Variants in MTX2 observed in about 807,000 individuals in gnomAD.
MTX2 encodes the protein metaxin 2, also known as metaxin-2.
Under a neutral mutation model 42.3 loss-of-function variants are expected in MTX2, and 35 were observed. The observed-to-expected ratio is 0.83, with a 90% CI of 0.63 to 1.10. The LOEUF (loss-of-function observed/expected upper bound fraction) is 1.10. MTX2 is among the 50% of genes least tolerant of loss of function. The probability of loss-of-function intolerance (pLI) is 0.00; values close to 1 mark genes in which losing one functional copy is unlikely to be tolerated. For synonymous variants in MTX2, 119 were observed against 100.9 expected (o/e 1.18, Z -1.08); for missense variants, 307 against 304.1 (o/e 1.01, Z -0.07).
intron 8 of MTX2, 93 bp from the exon 9 acceptor site, chr2:176,330,491 T>C (rs1370974177): frequency 1.3e-6 from 1 of 785,030 alleles, no homozygotes; most frequent in African/African-American, 1.7e-5. Context: ...ATTTATATTT[T>C]TGTTATAAAC....
rs1456902039 is a variant in MTX2, at chr2:176,297,901, T to C, written c.135+6T>C. On this transcript the variant is annotated splice_donor_region_variant and intron_variant, in intron 3 of 9. Coordinates refer to ENST00000249442, the MANE Select transcript of MTX2 (RefSeq NM_006554.5). ...CAGCTTCTCTTGCAGTGCAGGTAAA[T>C]ATGTAAATAATGTAATATCTTTTTC... The C allele has an allele frequency of 6.4e-7, 1 of 1,552,680 alleles. No individual in the cohort carries two copies. Among genetic ancestry groups the C allele is most frequent in the Non-Finnish European group, 8.7e-7 (1 of 1,145,260 alleles).
intron 3 of MTX2, among the ~76,000 whole-genome samples, chr2:176,301,877 TAATA>T (rs1217591759): frequency 6.6e-6 from 1 of 152,160 alleles, no homozygotes; most frequent in East Asian, 1.9e-4. Flanking sequence ...TCAAGTTAGG[TAATA>T]AATGGGAAAT....
chr2:176,280,133 T>A (rs1373705975), intron 1 of MTX2, among the ~76,000 whole-genome samples: 1 of 152,136 alleles, frequency 6.6e-6, no homozygotes, highest in Non-Finnish European at 1.5e-5. Flanking sequence ...TTCTAGTCAC[T>A]GGGTACCAAA....
At chr2:176,304,041 AG>A (rs1272199129) in intron 3 of MTX2, among the ~76,000 whole-genome samples, 1 of 152,042 alleles carries the variant, frequency 6.6e-6, no homozygotes, top group Non-Finnish European at 1.5e-5. Flanking sequence ...AAACAGAAAA[AG>A]GCTAGAATTT....
chr2:176,311,684 T>C (rs1684311471), intron 3 of MTX2, among the ~76,000 whole-genome samples: 1 of 152,160 alleles, frequency 6.6e-6, no homozygotes, highest in South Asian at 2.1e-4. Flanking sequence ...TGAGCAAGGC[T>C]CTGTGGGCGT....
At chr2:176,306,068 C>A (rs1684136173) in intron 3 of MTX2, among the ~76,000 whole-genome samples, 1 of 151,994 alleles carries the variant, frequency 6.6e-6, no homozygotes, top group Non-Finnish European at 1.5e-5. Context: ...CCCCCAGCAC[C>A]CCCACCCCCT....
chr2:176,302,602 A>G (rs755512712), intron 3 of MTX2, among the ~76,000 whole-genome samples: 2 of 151,694 alleles, frequency 1.3e-5, no homozygotes, highest in East Asian at 1.9e-4. Context: ...AAGCCCAGCT[A>G]TTTTTTTGTA....
chr2:176,313,344 C>CTCTGATCT (rs1558938077), intron 3 of MTX2, among the ~76,000 whole-genome samples: 1 of 150,174 alleles, frequency 6.7e-6, no homozygotes, highest in Non-Finnish European at 1.5e-5. Context: ...AGAGCTCTCT[C>CTCTGATCT]TCTGATCTTC....
intron 1 of MTX2, among the ~76,000 whole-genome samples, chr2:176,290,846 A>G (rs1166111977): frequency 1.3e-5 from 2 of 151,666 alleles, no homozygotes; most frequent in East Asian, 1.9e-4. Flanking sequence ...AATTAACTAT[A>G]TATTTCTTAC....
intron 3 of MTX2, among the ~76,000 whole-genome samples, chr2:176,301,627 G>A (rs2105417924): frequency 6.6e-6 from 1 of 152,246 alleles, no homozygotes; most frequent in East Asian, 1.9e-4. Context: ...GACCCAGGAA[G>A]TCTGGATCGA....
intron 9 of MTX2, among the ~76,000 whole-genome samples, chr2:176,335,383 G>A (rs1684965392): frequency 6.6e-6 from 1 of 152,072 alleles, no homozygotes; most frequent in South Asian, 2.1e-4. Flanking sequence ...TGTGCTTAGT[G>A]TAAGGAGTTT....
At chr2:176,276,615 G>A (rs548163160) in intron 1 of MTX2, among the ~76,000 whole-genome samples, 1 of 152,020 alleles carries the variant, frequency 6.6e-6, no homozygotes, top group African/African-American at 2.4e-5. Flanking sequence ...CTAGTATAGG[G>A]TGGTAGATAA....
intron 1 of MTX2, among the ~76,000 whole-genome samples, chr2:176,272,358 A>C (rs1320059365): frequency 6.6e-6 from 1 of 152,176 alleles, no homozygotes; most frequent in African/African-American, 2.4e-5. Flanking sequence ...CTGCAAGGTG[A>C]CCACAGTTAA....
At chr2:176,280,130 C>T (rs1693043455) in intron 1 of MTX2, among the ~76,000 whole-genome samples, 1 of 152,176 alleles carries the variant, frequency 6.6e-6, no homozygotes. Context: ...CCATTCTAGT[C>T]ACTGGGTACC....
chr2:176,317,264 T>C (rs1449317010), intron 3 of MTX2, among the ~76,000 whole-genome samples: 1 of 152,134 alleles, frequency 6.6e-6, no homozygotes, highest in African/African-American at 2.4e-5. Context: ...CCCTGATCTC[T>C]GTTCTTTTTT....
In MTX2 at chr2:176,270,505, G is replaced by A. The variant is rs139545197; in HGVS notation, c.40+836G>A. On this transcript the variant is annotated intron_variant, in intron 1 of 9. Coordinates refer to ENST00000249442, the MANE Select transcript of MTX2 (RefSeq NM_006554.5). Reference sequence around the variant, plus strand: ...GAGAAAGTGAGGAGACTAAACATAGGTACTTTGAGATAGAGGCTAATGGAA... The same window carrying A: ...GAGAAAGTGAGGAGACTAAACATAGATACTTTGAGATAGAGGCTAATGGAA... 73 of 988,140 alleles carry A rather than the reference G, an allele frequency of 7.4e-5. No homozygotes were observed. The East Asian group carries it at 2.9e-3, about 39-fold the overall frequency. The allele number at this position is 988,140 out of a possible 1,614,324, so 61.2% of individuals were successfully genotyped here. A position where few individuals can be genotyped will look rare whatever the true frequency, so the allele number is the denominator to read the frequency against.
chr2:176,323,096 G>A (rs1684623504), intron 3 of MTX2, among the ~76,000 whole-genome samples: 1 of 151,632 alleles, frequency 6.6e-6, no homozygotes, highest in South Asian at 2.1e-4. Context: ...TAGTATTGCT[G>A]GTTTACATAA....
intron 1 of MTX2, among the ~76,000 whole-genome samples, chr2:176,284,943 C>G (rs909294535): frequency 1.3e-5 from 2 of 152,196 alleles, no homozygotes; most frequent in East Asian, 3.8e-4. Flanking sequence ...ATCAGAACTC[C>G]TGAGTTTAGG....
At chr2:176,302,126 G>GTT (rs80143449) in intron 3 of MTX2, among the ~76,000 whole-genome samples, 41 of 125,228 alleles carry the variant, frequency 3.3e-4, no homozygotes, top group African/African-American at 6.9e-4. Context: ...AAAAGCTGGT[G>GTT]TTTTTTTTTT....
Sources: gnomAD v4.1 joint callset for allele counts (sites outside exome capture counted in the v4.1 genomes callset) on GRCh38, gnomAD v4.1.1 for gene constraint, MANE v1.5 for transcripts, NCBI Gene and HGNC (gene_info 2026-07-23, HGNC 2026-07-21) for gene names.